The following PLEKHM3 variants were observed in gnomAD, a reference collection of about 807,000 sequenced individuals.
The protein encoded by PLEKHM3 is pleckstrin homology domain-containing family M member 3.
PLEKHM3 carries 45 observed loss-of-function variants against 81.8 expected under a neutral mutation model. The observed-to-expected ratio is 0.55, with a 90% confidence interval of 0.43 to 0.71. The LOEUF is 0.71. Ranked by LOEUF, PLEKHM3 falls within the 30% of genes least tolerant of loss-of-function variation. PLEKHM3 has a pLI of 0.00. For synonymous variants in PLEKHM3, 352 were observed against 356.4 expected, an observed-to-expected ratio of 0.99 and a Z score of 0.14; for missense variants, 788 against 924.3, an observed-to-expected ratio of 0.85 and a Z score of 1.91.
chr2:207,928,612 A>G (rs1689486321), intron 5 of PLEKHM3, among the ~76,000 whole-genome samples: 1 of 152,262 alleles, frequency 6.6e-6, no homozygotes, highest in Non-Finnish European at 1.5e-5. Flanking sequence ...TTTTGCCGGA[A>G]GGGCAGGGTA....
At chr2:207,846,952 T>C (rs1375537882) in intron 7 of PLEKHM3, among the ~76,000 whole-genome samples, 1 of 152,202 alleles carries the variant, frequency 6.6e-6, no homozygotes, top group African/African-American at 2.4e-5. Context: ...CTATAATAAA[T>C]ATCAATTAGT....
intron 2 of PLEKHM3, among the ~76,000 whole-genome samples, chr2:207,980,099 G>A (rs773705114): frequency 2.0e-5 from 3 of 152,126 alleles, no homozygotes; most frequent in Non-Finnish European, 4.4e-5. Context: ...TTAAAACTAT[G>A]TGTCCCTCTA....
At chr2:207,924,608 C>G (rs750080099) in intron 5 of PLEKHM3, among the ~76,000 whole-genome samples, 17 of 152,130 alleles carry the variant, frequency 1.1e-4, no homozygotes, top group Non-Finnish European at 1.8e-4. Context: ...TTGCTTGAAC[C>G]TGGGAGGTGG....
intron 7 of PLEKHM3, among the ~76,000 whole-genome samples, chr2:207,856,981 G>A (rs766837723): frequency 1.3e-5 from 2 of 151,826 alleles, no homozygotes; most frequent in Non-Finnish European, 2.9e-5. Context: ...GTCTCTTTTG[G>A]TAACTGTTCC....
Position 207,861,144 on chromosome 2 carries a change from C to T in PLEKHM3, c.2069G>A (p.Gly690Glu). 1 of 1,614,046 alleles carries T rather than the reference C, an allele frequency of 6.2e-7. No individual in the cohort carries two copies. The change falls in exon 7 of 8, where the codon GGA becomes GAA. Residue 690 changes from glycine (G) to glutamate (E), a missense_variant. Physicochemically the swap from Gly to Glu is moderately conservative, Grantham distance 98. Coordinates refer to ENST00000427836, the MANE Select transcript of PLEKHM3 (RefSeq NM_001080475.3). ...KGFICEICNN[G>E]EILYPFEDIS... ...ATCCTCAAAAGGGTAGAGGATCTCT[C>T]CATTGTTACAGATTTCACAGATGAA... is the stretch of plus-strand genomic sequence containing the variant.
intron 5 of PLEKHM3, among the ~76,000 whole-genome samples, chr2:207,928,124 A>G (rs1689467616): frequency 6.6e-6 from 1 of 152,190 alleles, no homozygotes; most frequent in Admixed American, 6.5e-5. Flanking sequence ...GGTAACCCTA[A>G]ACAATATTTT....
At chr2:207,922,216 T>C (rs2105923294) in intron 5 of PLEKHM3, among the ~76,000 whole-genome samples, 1 of 152,336 alleles carries the variant, frequency 6.6e-6, no homozygotes, top group South Asian at 2.1e-4. Flanking sequence ...GGTTTTGATT[T>C]GCATTTCCCT....
intron 2 of PLEKHM3, among the ~76,000 whole-genome samples, chr2:207,997,841 C>G (rs1275694730): frequency 6.6e-6 from 1 of 152,224 alleles, no homozygotes; most frequent in Non-Finnish European, 1.5e-5. Context: ...AGGTACTACA[C>G]TGCCTCCCTC....
Position 207,828,227 on chromosome 2 carries a change from C to T in PLEKHM3, c.*92G>A. The stretch of plus-strand genomic sequence containing the variant: ...CTAGTTGAAGAGGATACATACTCTT[C>T]TTCCAAAGGGGTCTAACTGGCTAGT... On this transcript the variant is annotated 3_prime_UTR_variant, in exon 8 of 8. Transcript: ENST00000427836. 5 of 1,296,402 alleles carry T rather than the reference C, an allele frequency of 3.9e-6. No individual in the cohort carries two copies. The highest frequency in any genetic ancestry group is 5.3e-6 in the Non-Finnish European group (5 of 937,180). The allele number at this position is 1,296,402 out of a possible 1,614,324, so 80.3% of individuals were successfully genotyped here.
chr2:207,934,813 C>T (rs1168507815), intron 4 of PLEKHM3, among the ~76,000 whole-genome samples: 4 of 152,160 alleles, frequency 2.6e-5, no homozygotes, highest in Non-Finnish European at 4.4e-5. Flanking sequence ...AGTATAGATT[C>T]GAACATAATA....
intron 1 of PLEKHM3, among the ~76,000 whole-genome samples, chr2:208,014,783 T>A (rs1041893334): frequency 6.6e-6 from 1 of 152,252 alleles, no homozygotes; most frequent in South Asian, 2.1e-4. Context: ...GCCTGAACAT[T>A]CTGGAGTTGA....
At position 207,825,585 on chromosome 2, in the gene PLEKHM3, G is replaced by A. The variant is rs1391991713; in HGVS notation, c.*2734C>T. On this transcript the variant is annotated 3_prime_UTR_variant, in exon 8 of 8. Coordinates refer to ENST00000427836, the MANE Select transcript of PLEKHM3 (RefSeq NM_001080475.3). Reference sequence around the variant, plus strand: ...TTGAAAACAGTAAGGGCGTTCATGTGCGCCAAGGTATTCTGGGCTGAAAAC... The same window carrying A: ...TTGAAAACAGTAAGGGCGTTCATGTACGCCAAGGTATTCTGGGCTGAAAAC... 1 of 152,142 alleles carries A rather than the reference G, an allele frequency of 6.6e-6. No homozygotes were observed. The highest frequency in any genetic ancestry group is 2.4e-5 in the African/African-American group (1 of 41,426). 9.4% of individuals were successfully genotyped at this position (152,142 alleles called of 1,614,324 possible). A position where few individuals can be genotyped will look rare whatever the true frequency, so the allele number is the denominator to read the frequency against.
chr2:207,860,848 C>G (rs1331264117), intron 7 of PLEKHM3, among the ~76,000 whole-genome samples: 1 of 152,164 alleles, frequency 6.6e-6, no homozygotes, highest in East Asian at 1.9e-4. Context: ...TGAACACTCT[C>G]TGTTACCTAA....
intron 7 of PLEKHM3, among the ~76,000 whole-genome samples, chr2:207,854,609 A>G (rs573253145): frequency 3.1e-4 from 47 of 152,332 alleles, no homozygotes; most frequent in Middle Eastern, 3.4e-3. Flanking sequence ...ACAGGGTTGT[A>G]TAAACCACTC....
At chr2:207,922,196 A>G (rs1689206303) in intron 5 of PLEKHM3, among the ~76,000 whole-genome samples, 1 of 152,120 alleles carries the variant, frequency 6.6e-6, no homozygotes, top group South Asian at 2.1e-4. Flanking sequence ...GTGAGATGAT[A>G]TCTCCTTGTG....
At chr2:207,934,739 A>G (rs1273904813) in intron 4 of PLEKHM3, among the ~76,000 whole-genome samples, 1 of 152,220 alleles carries the variant, frequency 6.6e-6, no homozygotes, top group Non-Finnish European at 1.5e-5. Flanking sequence ...CAGATCTGCT[A>G]TTTACACATA....
intron 2 of PLEKHM3, among the ~76,000 whole-genome samples, chr2:207,987,434 A>C (rs1054346008): frequency 4.6e-5 from 7 of 152,194 alleles, no homozygotes; most frequent in African/African-American, 1.7e-4. Context: ...CTCGAGTAAC[A>C]ACCCCTTGTG....
chr2:207,930,898 G>A, intron 5 of PLEKHM3, 28 bp downstream of exon 5: 1 of 1,602,548 alleles, frequency 6.2e-7, no homozygotes, highest in Non-Finnish European at 8.5e-7. Context: ...AAAACAAACG[G>A]GAGCCGTCTG....
chr2:207,973,851 G>A (rs1407509175), intron 3 of PLEKHM3, among the ~76,000 whole-genome samples: 1 of 152,102 alleles, frequency 6.6e-6, no homozygotes, highest in Non-Finnish European at 1.5e-5. Flanking sequence ...TCTGAGGGAA[G>A]AAAGGGCATA....
Sources: gnomAD v4.1 joint callset for allele counts (sites outside exome capture counted in the v4.1 genomes callset) on GRCh38, gnomAD v4.1.1 for gene constraint, MANE v1.5 for transcripts, NCBI Gene and HGNC (gene_info 2026-07-23, HGNC 2026-07-21) for gene names.